ACTN3: variants seen among roughly 807,000 people sequenced by gnomAD.
ACTN3 encodes actinin alpha 3.
A neutral mutation model predicts 119.6 loss-of-function variants in ACTN3; 91 were observed. The observed-to-expected ratio is 0.76, with a 90% confidence interval of 0.64 to 0.91. ACTN3 has a LOEUF of 0.91. Among genes scored for constraint, ACTN3 ranks in the 40% least tolerant of loss-of-function variants. The probability of loss-of-function intolerance (pLI) is 0.00; values close to 1 mark genes in which losing one functional copy is unlikely to be tolerated. For missense variants in ACTN3, 1,221 were observed against 1,215.1 expected, an observed-to-expected ratio of 1.00 and a Z score of -0.07; for synonymous variants, 456 against 478.8, an observed-to-expected ratio of 0.95 and a Z score of 0.62.
At position 66,557,127 on chromosome 11, in the gene ACTN3, C is replaced by G; in HGVS notation, c.805-6C>G. The G allele has an allele frequency of 6.4e-7, 1 of 1,552,088 alleles. No homozygotes were observed. Among genetic ancestry groups the G allele is most frequent in the South Asian group, 1.2e-5 (1 of 84,066 alleles). On this transcript the variant is annotated splice_polypyrimidine_tract_variant and splice_region_variant and intron_variant, in intron 8 of 20. Transcript: ENST00000513398. ...AATGCCAGCCTTCTGCCCACTCCCCCCACAGGCAGAGACAGCTGCCAACAG... is the reference window on the plus strand; with the variant it reads ...AATGCCAGCCTTCTGCCCACTCCCCGCACAGGCAGAGACAGCTGCCAACAG...
intron 14 of ACTN3, 86 bp downstream of exon 14, chr11:66,560,397 C>T: frequency 6.6e-7 from 1 of 1,519,890 alleles, no homozygotes; most frequent in Non-Finnish European, 8.8e-7. Context: ...GCTCCTGGGG[C>T]ATAGGGATGG....
Position 66,560,287 on chromosome 11 carries a change from G to A in ACTN3, c.1653G>A (p.Leu551=). The change falls in exon 14 of 21, where the codon CTG becomes CTA. Residue 551 remains leucine, a synonymous_variant. Coordinates refer to ENST00000513398, the MANE Select transcript of ACTN3 (RefSeq NM_001104.4). ...TGGAGGACCTGCAGGACGTGTGGCT[G>A]GTACACTCTGTGGAGGAGACCCAGG... ...GAVEDLQDVW[L]VHSVEETQSL... is the part of the protein sequence containing the mutation. 8 of 1,613,300 alleles carry A rather than the reference G, an allele frequency of 5.0e-6. No individual in the cohort carries two copies. The highest frequency in any genetic ancestry group is 6.8e-6 in the Non-Finnish European group (8 of 1,179,660).
intron 4 of ACTN3, 36 bp downstream of exon 4, chr11:66,554,167 G>A: frequency 6.3e-7 from 1 of 1,588,030 alleles, no homozygotes; most frequent in Non-Finnish European, 8.6e-7. Context: ...GCCAGGTGCA[G>A]TGGCTGGGGC....
chr11:66,552,157 C>T (rs1417535310), intron 3 of ACTN3, among the ~76,000 whole-genome samples: 1 of 151,062 alleles, frequency 6.6e-6, no homozygotes, highest in Non-Finnish European at 1.5e-5. Context: ...AGGTGTGGGG[C>T]TCACGAGGTC....
Position 66,560,631 on chromosome 11 carries a change from G to A in ACTN3, c.1736G>A (p.Arg579Gln), listed in dbSNP as rs587683188. ...ACACTGCCCGAGGCTGACCGAGAGCGAGGTGCCATCATGGGCATCCAGGGT... is the reference window on the plus strand; with the variant it reads ...ACACTGCCCGAGGCTGACCGAGAGCAAGGTGCCATCATGGGCATCCAGGGT... ...KATLPEADRE[R>Q]GAIMGIQGEI... Residue 579 changes from arginine (R) to glutamine (Q), a missense_variant, in exon 15 of 21, where the codon CGA becomes CAA. Arg to Gln is a conservative substitution (Grantham distance 43, BLOSUM62 1). Coordinates refer to ENST00000513398, the MANE Select transcript of ACTN3 (RefSeq NM_001104.4). 29 of 1,613,822 alleles carry A rather than the reference G, an allele frequency of 1.8e-5. 1 individual carries two copies. The Admixed American group carries it at 2.0e-4, about 11-fold the overall frequency.
intron 17 of ACTN3, 132 bp from the exon 18 acceptor site, chr11:66,561,890 C>T: frequency 8.6e-7 from 1 of 1,164,078 alleles, no homozygotes; most frequent in Non-Finnish European, 1.2e-6. Context: ...CTCAGTGGAG[C>T]CTCCAGATGG....
At chr11:66,561,658 G>A in intron 17 of ACTN3, 21 bp downstream of exon 17, 1 of 1,601,948 alleles carries the variant, frequency 6.2e-7, no homozygotes. Context: ...ACCCTCTCAG[G>A]AGAGTGGGGA....
upstream of ACTN3, chr11:66,546,434 T>G (rs1857340201): frequency 1.7e-6 from 2 of 1,143,044 alleles, no homozygotes; most frequent in Admixed American, 4.8e-5. Flanking sequence ...CTCAGAGCCG[T>G]TCCCCATGCC....
intron 1 of ACTN3, among the ~76,000 whole-genome samples, chr11:66,549,636 C>G (rs1284103870): frequency 6.9e-6 from 1 of 144,948 alleles, no homozygotes; most frequent in Non-Finnish European, 1.5e-5. Context: ...GAGGCTGAGG[C>G]AGGAGAATCG....
Position 66,560,088 on chromosome 11 carries a change from G to C in ACTN3, c.1536+12G>C. ...GGGATGCGCTAGAGGTGGGGCTGGG[G>C]GCCGGGGAGCTGGGGGGTGGGTAGG... is the stretch of plus-strand genomic sequence containing the variant. On this transcript the variant is annotated intron_variant, in intron 13 of 20. Coordinates refer to ENST00000513398, the MANE Select transcript of ACTN3 (RefSeq NM_001104.4). 1.9e-6 allele frequency: 3 copies of C among 1,556,290 alleles called. No homozygotes were observed. The highest frequency in any genetic ancestry group is 2.6e-6 in the Non-Finnish European group (3 of 1,151,618).
chr11:66,547,630 G>A (rs1333637261), intron 1 of ACTN3, among the ~76,000 whole-genome samples: 1 of 152,148 alleles, frequency 6.6e-6, no homozygotes, highest in African/African-American at 2.4e-5. Flanking sequence ...CAGACTGTCA[G>A]ACATCAGGAC....
In ACTN3 at chr11:66,562,154, A is replaced by G. The variant is rs757856453; in HGVS notation, c.2308A>G (p.Asn770Asp). 1 of 1,613,998 alleles carries G rather than the reference A, an allele frequency of 6.2e-7. No homozygotes were observed. Among genetic ancestry groups the G allele is most frequent in the South Asian group, 1.1e-5 (1 of 91,080 alleles). ...EQLNEFRASFNHFDRKQNGMM... is the reference protein window; with the variant it reads ...EQLNEFRASFDHFDRKQNGMM... Reference sequence around the variant, plus strand: ...GCTCAACGAGTTCCGAGCATCCTTCAACCACTTTGACAGGGTCAGCAGGGG... The same window carrying G: ...GCTCAACGAGTTCCGAGCATCCTTCGACCACTTTGACAGGGTCAGCAGGGG... Residue 770 changes from asparagine (N) to aspartate (D), a missense_variant, in exon 18 of 21, where the codon AAC becomes GAC. Around this residue, in one of 3 missense-constraint regions of ACTN3, gnomAD observed 934 missense variants for 899.9 expected, o/e 1.04. Transcript: ENST00000513398.
chr11:66,554,668 CT>C, intron 5 of ACTN3, 45 bp downstream of exon 5: 3 of 1,530,352 alleles, frequency 2.0e-6, no homozygotes, highest in Non-Finnish European at 2.7e-6. Flanking sequence ...CTGTGGGGTA[CT>C]GGGCATAGAG....
rs200416232 is a variant in ACTN3, at chr11:66,561,302, C to T, written c.1936C>T (p.Arg646Trp). 418 of 1,609,892 alleles carry T rather than the reference C, an allele frequency of 2.6e-4. No homozygotes were observed. Among genetic ancestry groups the T allele is most frequent in the Non-Finnish European group, 3.4e-4 (400 of 1,178,834 alleles). The change falls in exon 16 of 21, where the codon CGG (arginine) becomes TGG (tryptophan). Residue 646 changes from arginine (R) to tryptophan (W), a missense_variant. Transcript: ENST00000513398. The part of the protein sequence containing the change: ...LARQQVNERL[R>W]RQFAAQANAI... ...ACGGCAGCAGGTAAACGAGAGGCTC[C>T]GGCGACAGTTTGCGGCCCAGGCCAA...
rs368086463 is a variant in ACTN3 at position 66,560,226 on chromosome 11, G to T, written c.1592G>T (p.Arg531Leu). Residue 531 changes from arginine (R) to leucine (L), a missense_variant, in exon 14 of 21, where the codon CGG becomes CTG. Arg to Leu is a moderately radical substitution (Grantham distance 102). This residue lies in a region of ACTN3 where 934 missense variants were observed against 899.9 expected (regional missense o/e 1.04). Coordinates refer to ENST00000513398, the MANE Select transcript of ACTN3 (RefSeq NM_001104.4). ...IDRLQLEFAR[R>L]AAPFNNWLDG... is the part of the protein sequence containing the mutation. Reference sequence around the variant, plus strand: ...CGGCTGCAACTGGAGTTTGCCCGGCGGGCCGCGCCCTTCAACAACTGGCTG... The same window carrying T: ...CGGCTGCAACTGGAGTTTGCCCGGCTGGCCGCGCCCTTCAACAACTGGCTG... The T allele has an allele frequency of 6.2e-7, 1 of 1,612,236 alleles. No individual in the cohort carries two copies. The highest frequency in any genetic ancestry group is 8.5e-7 in the Non-Finnish European group (1 of 1,179,224).
chr11:66,560,744 A>G lies in ACTN3; in HGVS notation c.1849A>G (p.Lys617Glu). The G allele has an allele frequency of 1.2e-6, 2 of 1,611,726 alleles. No individual in the cohort carries two copies. The highest frequency in any genetic ancestry group is 2.2e-5 in the South Asian group (2 of 90,882). ...ITLSPQDINT[K>E]WDMVRKLVPS... is the part of the protein sequence containing the mutation. The stretch of plus-strand genomic sequence containing the variant: ...CCTCAGCCCGCAGGACATCAACACC[A>G]AGTGGGATATGGTCAGTGCCACCTG... Residue 617 changes from lysine (K) to glutamate (E), a missense_variant, in exon 15 of 21, where the codon AAG becomes GAG. Lys to Glu is a moderately conservative substitution (Grantham distance 56). Transcript: ENST00000513398.
chr11:66,555,297 C>G lies in ACTN3; in HGVS notation c.648C>G (p.Ile216Met), dbSNP rs375953442. The G allele has an allele frequency of 6.2e-7, 1 of 1,614,064 alleles. No individual in the cohort carries two copies. Among genetic ancestry groups the G allele is most frequent in the South Asian group, 1.1e-5 (1 of 91,084 alleles). Residue 216 changes from isoleucine (I) to methionine (M), a missense_variant, in exon 7 of 21, where the codon ATC becomes ATG. This residue lies in a region of ACTN3 where 48 missense variants were observed against 83.4 expected (regional missense o/e 0.58). Transcript: ENST00000513398. ...TTACACCCTTCTAGGATGACCCCAT[C>G]GGAAACCTGAACACTGCCTTTGAGG... ...DYAKLRKDDP[I>M]GNLNTAFEVA...
intron 12 of ACTN3, 109 bp downstream of exon 12, chr11:66,559,495 T>A: frequency 8.7e-7 from 1 of 1,148,734 alleles, no homozygotes; most frequent in Non-Finnish European, 1.2e-6. Context: ...CTCTCCTGGG[T>A]TCTGTAACCC....
chr11:66,548,489 A>C (rs186632859), intron 1 of ACTN3, among the ~76,000 whole-genome samples: 5 of 152,254 alleles, frequency 3.3e-5, no homozygotes, highest in Admixed American at 6.5e-5. Flanking sequence ...ACTTGCAGTC[A>C]CCATCTCATC....
Sources: gnomAD v4.1 joint callset for allele counts (sites outside exome capture counted in the v4.1 genomes callset) on GRCh38, gnomAD v4.1.1 for gene constraint, gnomAD v4.1.1 regional missense constraint, MANE v1.5 for transcripts, NCBI Gene and HGNC (gene_info 2026-07-23, HGNC 2026-07-21) for gene names.